Variants in PPARGC1A observed in about 807,000 individuals in gnomAD.
PPARGC1A encodes PPARG coactivator 1 alpha.
Under a neutral mutation model 88.7 loss-of-function variants are expected in PPARGC1A, and 25 were observed. The ratio of observed to expected loss-of-function variants is 0.28; its 90% CI spans 0.21 to 0.39. PPARGC1A has a LOEUF of 0.39. Among genes scored for constraint, PPARGC1A ranks in the 10% least tolerant of loss-of-function variants. The probability of loss-of-function intolerance (pLI) is 1.00; values close to 1 mark genes in which losing one functional copy is unlikely to be tolerated. For synonymous variants in PPARGC1A, 363 were observed against 355.6 expected (o/e 1.02, Z -0.24); for missense variants, 880 against 968.7 (o/e 0.91, Z 1.22).
the PPARGC1A span, among the ~76,000 whole-genome samples, chr4:23,968,830 T>C: frequency 2.6e-5 from 4 of 152,050 alleles, no homozygotes; most frequent in African/African-American, 9.7e-5. Flanking sequence ...CAGAATTGCT[T>C]GAACCCGGGA....
At chr4:23,979,208 C>T in the PPARGC1A span, among the ~76,000 whole-genome samples, 297 of 152,230 alleles carry the variant, frequency 2.0e-3, 3 homozygotes, top group African/African-American at 7.0e-3. Flanking sequence ...ATATTCAGAT[C>T]GGGACCTTTT....
chr4:24,207,303 T>A, the PPARGC1A span, among the ~76,000 whole-genome samples: 1 of 152,202 alleles, frequency 6.6e-6, no homozygotes, highest in African/African-American at 2.4e-5. Flanking sequence ...AGAAACCGCA[T>A]GCATACTTAT....
the PPARGC1A span, among the ~76,000 whole-genome samples, chr4:23,914,689 C>A: frequency 6.7e-6 from 1 of 149,172 alleles, no homozygotes; most frequent in Non-Finnish European, 1.5e-5. Context: ...AAAAACAACT[C>A]TTTCTTTCCA....
the PPARGC1A span, among the ~76,000 whole-genome samples, chr4:24,335,771 G>A: frequency 2.0e-5 from 3 of 152,170 alleles, no homozygotes; most frequent in African/African-American, 7.2e-5. Flanking sequence ...GCCCAAGGTG[G>A]CTGAGATACA....
chr4:23,993,523 C>T, the PPARGC1A span, among the ~76,000 whole-genome samples: 1 of 152,102 alleles, frequency 6.6e-6, no homozygotes, highest in Admixed American at 6.6e-5. Context: ...TCATGCTCTG[C>T]TTGTTGTAGG....
At chr4:24,177,895 A>C in the PPARGC1A span, among the ~76,000 whole-genome samples, 1 of 152,156 alleles carries the variant, frequency 6.6e-6, no homozygotes, top group Non-Finnish European at 1.5e-5. Context: ...GCCACTACTT[A>C]TGTGGAATTA....
chr4:24,108,278 C>T, the PPARGC1A span, among the ~76,000 whole-genome samples: 1 of 152,156 alleles, frequency 6.6e-6, no homozygotes, highest in Non-Finnish European at 1.5e-5. Context: ...TTTCAACAAG[C>T]TTAATCCCAA....
At chr4:24,376,059 T>C in the PPARGC1A span, among the ~76,000 whole-genome samples, 1 of 152,098 alleles carries the variant, frequency 6.6e-6, no homozygotes, top group Non-Finnish European at 1.5e-5. Context: ...TTATTTCCTG[T>C]CATGCCTTTC....
the PPARGC1A span, among the ~76,000 whole-genome samples, chr4:24,053,917 G>A: frequency 6.6e-6 from 1 of 152,172 alleles, no homozygotes; most frequent in East Asian, 1.9e-4. Context: ...CTCTCCACCA[G>A]CCATAGCCAA....
chr4:23,804,127 C>T (rs564283466), intron 10 of PPARGC1A, among the ~76,000 whole-genome samples: 2 of 152,292 alleles, frequency 1.3e-5, no homozygotes, highest in Admixed American at 1.3e-4. Flanking sequence ...CAACTGTCTA[C>T]TTGACATCTC....
the PPARGC1A span, among the ~76,000 whole-genome samples, chr4:24,260,833 C>T: frequency 6.6e-6 from 1 of 151,982 alleles, no homozygotes; most frequent in Non-Finnish European, 1.5e-5. Flanking sequence ...GCCTACCTGA[C>T]AAAATGTTAA....
chr4:23,910,056 T>C, the PPARGC1A span, among the ~76,000 whole-genome samples: 1 of 143,716 alleles, frequency 7.0e-6, no homozygotes, highest in Non-Finnish European at 1.5e-5. Context: ...AGACATAAAA[T>C]CAAGAGTAGT....
chr4:24,388,906 C>G, the PPARGC1A span, among the ~76,000 whole-genome samples: 6 of 152,050 alleles, frequency 3.9e-5, no homozygotes, highest in Non-Finnish European at 8.8e-5. Context: ...CACCATGGCA[C>G]GTGTATACTT....
the PPARGC1A span, among the ~76,000 whole-genome samples, chr4:23,973,611 G>A: frequency 6.6e-6 from 1 of 152,080 alleles, no homozygotes; most frequent in East Asian, 1.9e-4. Flanking sequence ...TTGCCTTAAC[G>A]GAAGTGAATT....
the PPARGC1A span, among the ~76,000 whole-genome samples, chr4:24,241,341 C>A: frequency 6.6e-6 from 1 of 152,186 alleles, no homozygotes; most frequent in Non-Finnish European, 1.5e-5. Flanking sequence ...TCTTTTCTGG[C>A]AGCCAAGTTA....
the PPARGC1A span, among the ~76,000 whole-genome samples, chr4:24,148,506 A>C: frequency 6.6e-6 from 1 of 152,274 alleles, no homozygotes; most frequent in Admixed American, 6.5e-5. Flanking sequence ...CTACTATGTG[A>C]TCTGTCAGAT....
the PPARGC1A span, among the ~76,000 whole-genome samples, chr4:24,226,901 G>A: frequency 6.6e-6 from 1 of 152,128 alleles, no homozygotes; most frequent in Non-Finnish European, 1.5e-5. Context: ...GGAAACAGAT[G>A]AGCTCGGTCA....
chr4:24,411,782 TA>T, the PPARGC1A span, among the ~76,000 whole-genome samples: 3 of 152,188 alleles, frequency 2.0e-5, no homozygotes, highest in South Asian at 6.2e-4. Context: ...GCAGCCTTTT[TA>T]CATGGGTTTC....
chr4:24,194,181 G>A, the PPARGC1A span, among the ~76,000 whole-genome samples: 38 of 151,150 alleles, frequency 2.5e-4, no homozygotes, highest in Admixed American at 1.3e-4. Context: ...GAAGCAGTAC[G>A]ACAGACTACG....
Sources: gnomAD v4.1 joint callset for allele counts (sites outside exome capture counted in the v4.1 genomes callset) on GRCh38, gnomAD v4.1.1 for gene constraint, MANE v1.5 for transcripts, NCBI Gene and HGNC (gene_info 2026-07-23, HGNC 2026-07-21) for gene names.